ST3GAL3: variants seen among roughly 807,000 people sequenced by gnomAD.
ST3GAL3 encodes CMP-N-acetylneuraminate-beta-1,4-galactoside alpha-2,3-sialyltransferase.
Under a neutral mutation model 50.1 loss-of-function variants are expected in ST3GAL3, and 21 were observed. The ratio of observed to expected loss-of-function variants is 0.42; its 90% CI spans 0.30 to 0.60. ST3GAL3 has a LOEUF of 0.60. ST3GAL3 is among the 20% of genes least tolerant of loss of function. The probability of loss-of-function intolerance (pLI) is 0.19; values close to 1 mark genes in which losing one functional copy is unlikely to be tolerated. For synonymous variants in ST3GAL3, 183 were observed against 190.0 expected, an observed-to-expected ratio of 0.96 and a Z score of 0.30; for missense variants, 353 against 489.4, an observed-to-expected ratio of 0.72 and a Z score of 2.63.
intron 5 of ST3GAL3, chr1:43,851,351 G>A (rs1200393127): frequency 1.3e-6 from 2 of 1,556,052 alleles, no homozygotes; most frequent in African/African-American, 2.7e-5. Flanking sequence ...TTCCACCAGG[G>A]CAGTTACACT....
At chr1:43,892,589 A>G (rs568644136) in intron 5 of ST3GAL3, among the ~76,000 whole-genome samples, 1 of 152,228 alleles carries the variant, frequency 6.6e-6, no homozygotes. Flanking sequence ...TGCACAAAAA[A>G]TGAGGTGTTT....
intron 5 of ST3GAL3, 53 bp downstream of exon 5, chr1:43,838,364 G>T: frequency 6.5e-7 from 1 of 1,536,910 alleles, no homozygotes; most frequent in South Asian, 1.1e-5. Context: ...TGGGGTCCAA[G>T]AGCCAGAAAC....
chr1:43,817,579 T>TCTTCCTCCTCCCC (rs199566913), intron 4 of ST3GAL3, among the ~76,000 whole-genome samples: 1 of 17,064 alleles, frequency 5.9e-5, no homozygotes, highest in Non-Finnish European at 1.4e-4. Context: ...TTCTTCTCCT[T>TCTTCCTCCTCCCC]CTCCTCCTTC....
chr1:43,743,069 A>G (rs1249473780), intron 2 of ST3GAL3, among the ~76,000 whole-genome samples: 1 of 143,774 alleles, frequency 7.0e-6, no homozygotes, highest in African/African-American at 2.6e-5. Context: ...CAGCCTGGTG[A>G]CAGAGCGAGA....
At chr1:43,772,417 G>T in intron 2 of ST3GAL3, 1 of 166,458 alleles carries the variant, frequency 6.0e-6, no homozygotes, top group Admixed American at 6.4e-5. Context: ...CTGGAATCTA[G>T]AGCGCTTGTG....
chr1:43,710,020 T>C (rs1209357739), intron 1 of ST3GAL3, among the ~76,000 whole-genome samples: 2 of 152,128 alleles, frequency 1.3e-5, no homozygotes, highest in East Asian at 3.9e-4. Context: ...TTCTTCTTTT[T>C]TTCTCCCCGT....
intron 5 of ST3GAL3, among the ~76,000 whole-genome samples, chr1:43,868,256 A>C (rs1489661307): frequency 7.0e-6 from 1 of 142,488 alleles, no homozygotes; most frequent in Non-Finnish European, 1.5e-5. Context: ...GTTATGGGAC[A>C]CTATATATAA....
At chr1:43,917,481 TAATATATAATATATATAA>T (rs2082050143) in intron 9 of ST3GAL3, among the ~76,000 whole-genome samples, 1 of 80,608 alleles carries the variant, frequency 1.2e-5, no homozygotes, top group Non-Finnish European at 2.2e-5. Context: ...ATAATATATA[TAATATATAATATATATAA>T]TATATTATAT....
At chr1:43,877,031 A>T (rs1173593483) in intron 5 of ST3GAL3, among the ~76,000 whole-genome samples, 2 of 152,148 alleles carry the variant, frequency 1.3e-5, no homozygotes, top group Non-Finnish European at 2.9e-5. Context: ...TTATTGTGGG[A>T]CAGTTCTCCC....
In ST3GAL3 at chr1:43,907,293, G is replaced by A. The variant is rs2079952741; in HGVS notation, c.744+7566G>A. On this transcript the variant is annotated intron_variant, in intron 9 of 11. Coordinates refer to ENST00000347631, the MANE Select transcript of ST3GAL3 (RefSeq NM_006279.5). ...TGTGCAGTCCCGTTCTTCAAGCACA[G>A]TCTCACTCACTCGACAGCTCCCTTT... Among the ~76,000 whole-genome samples, 4 of 152,324 alleles carry A rather than the reference G, an allele frequency of 2.6e-5. No homozygotes were observed. The South Asian group carries it at 8.3e-4, about 32-fold the overall frequency.
At chr1:43,858,803 C>T (rs977360578) in intron 5 of ST3GAL3, among the ~76,000 whole-genome samples, 2 of 152,204 alleles carry the variant, frequency 1.3e-5, no homozygotes, top group African/African-American at 4.8e-5. Flanking sequence ...TCTGACTGGT[C>T]TCCCCAAATA....
intron 5 of ST3GAL3, among the ~76,000 whole-genome samples, chr1:43,882,751 A>G (rs1044748303): frequency 4.6e-5 from 7 of 152,182 alleles, no homozygotes; most frequent in South Asian, 2.1e-4. Context: ...CTGTATTCCA[A>G]TAAAATAAAA....
chr1:43,899,055 C>A lies in ST3GAL3; in HGVS notation c.462-113C>A. 1 of 1,484,256 alleles carries A rather than the reference C, an allele frequency of 6.7e-7. No individual in the cohort carries two copies. The highest frequency in any genetic ancestry group is 1.2e-5 in the South Asian group (1 of 84,884). 91.9% of individuals were successfully genotyped at this position (1,484,256 alleles called of 1,614,324 possible). On this transcript the variant is annotated intron_variant, in intron 7 of 11. Coordinates refer to ENST00000347631, the MANE Select transcript of ST3GAL3 (RefSeq NM_006279.5). This position sits in a 1 kb window ranked among gnomAD's most constrained non-coding sequence, Gnocchi z 5.4. ...CTGCCAGAAGCCCATTGGTCTTCTT[C>A]CTCTATCCCAGCCTGGTCCTGGACA...
chr1:43,730,618 G>A (rs1262944852), intron 1 of ST3GAL3, among the ~76,000 whole-genome samples: 5 of 147,532 alleles, frequency 3.4e-5, no homozygotes, highest in African/African-American at 1.0e-4. Context: ...TTGCCCAGGC[G>A]GGGGTGTAGT....
In ST3GAL3 at chr1:43,866,767, G is replaced by C. The variant is rs1042362518; in HGVS notation, c.303-27616G>C. 2.0e-5 allele frequency among the ~76,000 whole-genome samples: 3 copies of C among 152,234 alleles called. No individual in the cohort carries two copies. In the South Asian group the frequency reaches 6.2e-4, roughly 32 times the overall value. ...CTAGATGCTGGAAGACAGGCTAGAAGTAATCTAGAGCAAGATCATGGGAGA... is the reference window on the plus strand; with the variant it reads ...CTAGATGCTGGAAGACAGGCTAGAACTAATCTAGAGCAAGATCATGGGAGA... On this transcript the variant is annotated intron_variant, in intron 5 of 11. Transcript: ENST00000347631.
intron 4 of ST3GAL3, among the ~76,000 whole-genome samples, chr1:43,837,119 G>T (rs1367841015): frequency 6.6e-6 from 1 of 152,158 alleles, no homozygotes; most frequent in Non-Finnish European, 1.5e-5. Context: ...GGAATTTACA[G>T]TGTATCAAGG....
Position 43,878,415 on chromosome 1 carries a change from A to G in ST3GAL3, c.303-15968A>G, listed in dbSNP as rs146503084. On this transcript the variant is annotated intron_variant, in intron 5 of 11. Coordinates refer to ENST00000347631, the MANE Select transcript of ST3GAL3 (RefSeq NM_006279.5). ...GGAAGAAAGAAAATATGGCAAGGTG[A>G]CAGGAGCAAGTTGCATTATTAAATA... 2.0e-5 allele frequency among the ~76,000 whole-genome samples: 3 copies of G among 152,384 alleles called. No individual in the cohort carries two copies. In the East Asian group the frequency reaches 5.8e-4, roughly 29 times the overall value.
rs371832083 is a variant in ST3GAL3 at position 43,855,633 on chromosome 1, T to A, written c.302+17322T>A. On this transcript the variant is annotated intron_variant, in intron 5 of 11. Coordinates refer to ENST00000347631, the MANE Select transcript of ST3GAL3 (RefSeq NM_006279.5). ...TCAAAAAAAAAAATTAAATTAAATTTAAAAAAAAAGGAAATCCTAAAAGAT... is the reference window on the plus strand; with the variant it reads ...TCAAAAAAAAAAATTAAATTAAATTAAAAAAAAAAGGAAATCCTAAAAGAT... 4.1e-4 allele frequency among the ~76,000 whole-genome samples: 61 copies of A among 149,344 alleles called. 1 individual carries two copies. The East Asian group carries it at 4.3e-3, about 11-fold the overall frequency.
intron 5 of ST3GAL3, among the ~76,000 whole-genome samples, chr1:43,866,587 G>GT (rs1179624005): frequency 6.8e-6 from 1 of 147,494 alleles, no homozygotes; most frequent in Admixed American, 6.7e-5. Flanking sequence ...CTGTCTCAAG[G>GT]TAAAAAAAAA....
Sources: gnomAD v4.1 joint callset for allele counts (sites outside exome capture counted in the v4.1 genomes callset) on GRCh38, gnomAD v4.1.1 for gene constraint, Gnocchi (gnomAD v3.1) non-coding constraint, MANE v1.5 for transcripts, NCBI Gene and HGNC (gene_info 2026-07-23, HGNC 2026-07-21) for gene names.